The following ZDHHC3 variants were observed in gnomAD, a reference collection of about 807,000 sequenced individuals.
The protein encoded by ZDHHC3 is palmitoyltransferase ZDHHC3.
Under a neutral mutation model 30.6 loss-of-function variants are expected in ZDHHC3, and 9 were observed. The observed-to-expected ratio is 0.29, with a 90% CI of 0.18 to 0.51. ZDHHC3 has a LOEUF of 0.51. Among genes scored for constraint, ZDHHC3 ranks in the 20% least tolerant of loss-of-function variants. The pLI, the probability that ZDHHC3 is intolerant of heterozygous loss-of-function variation, is 0.97. For synonymous variants in ZDHHC3, 136 were observed against 140.2 expected (o/e 0.97, Z 0.21); for missense variants, 246 against 384.2 (o/e 0.64, Z 3.01).
chr3:44,925,111 A>G lies in ZDHHC3; in HGVS notation c.*1578T>C. 2 of 985,912 alleles carry G rather than the reference A, an allele frequency of 2.0e-6. No homozygotes were observed. Among genetic ancestry groups the G allele is most frequent in the Non-Finnish European group, 2.4e-6 (2 of 829,944 alleles). 61.1% of individuals were successfully genotyped at this position (985,912 alleles called of 1,614,324 possible). A position where few individuals can be genotyped will look rare whatever the true frequency, so the allele number is the denominator to read the frequency against. On this transcript the variant is annotated 3_prime_UTR_variant, in exon 7 of 7. Transcript: ENST00000424952. Reference sequence around the variant, plus strand: ...ACCCAACCAGAGAAAACTCAAGTAGATTGTGGATAGTCGGCCTCCCACTAA... The same window carrying G: ...ACCCAACCAGAGAAAACTCAAGTAGGTTGTGGATAGTCGGCCTCCCACTAA...
At chr3:44,973,251 G>A (rs1194206774) in intron 1 of ZDHHC3, among the ~76,000 whole-genome samples, 1 of 152,118 alleles carries the variant, frequency 6.6e-6, no homozygotes, top group East Asian at 1.9e-4. Flanking sequence ...AAAACCTGGG[G>A]GGAGGCTGTG....
At chr3:44,927,946 T>C (rs1209477031) in intron 6 of ZDHHC3, among the ~76,000 whole-genome samples, 1 of 152,190 alleles carries the variant, frequency 6.6e-6, no homozygotes, top group Admixed American at 6.5e-5. Context: ...GCCCTCCAGC[T>C]TTCTCCTTTC....
At position 44,924,105 on chromosome 3, in the gene ZDHHC3, A is replaced by G. The variant is rs1261302362; in HGVS notation, c.*2584T>C. On this transcript the variant is annotated 3_prime_UTR_variant, in exon 7 of 7. Coordinates refer to ENST00000424952, the MANE Select transcript of ZDHHC3 (RefSeq NM_001135179.2). ...CAGGCTCTGAAAGACTGTGGCTACG[A>G]CTGGTTCAATTTCCCATGAGTGCAC... 2.0e-6 allele frequency: 2 copies of G among 985,286 alleles called. No individual in the cohort carries two copies. The highest frequency in any genetic ancestry group is 2.4e-6 in the Non-Finnish European group (2 of 829,942). The allele number at this position is 985,286 out of a possible 1,614,324, so 61.0% of individuals were successfully genotyped here. A position where few individuals can be genotyped will look rare whatever the true frequency, so the allele number is the denominator to read the frequency against.
At chr3:44,960,364 T>C (rs563537018) in intron 1 of ZDHHC3, among the ~76,000 whole-genome samples, 2 of 152,310 alleles carry the variant, frequency 1.3e-5, no homozygotes, top group Non-Finnish European at 2.9e-5. Context: ...ATACAGATCA[T>C]AACACTCTGT....
intron 3 of ZDHHC3, among the ~76,000 whole-genome samples, chr3:44,937,392 T>C (rs987007443): frequency 6.6e-6 from 1 of 151,820 alleles, no homozygotes; most frequent in African/African-American, 2.4e-5. Context: ...GAGACGGCAG[T>C]GAGCTGTGAT....
intron 2 of ZDHHC3, among the ~76,000 whole-genome samples, chr3:44,947,569 A>T (rs1310160804): frequency 6.6e-6 from 1 of 152,212 alleles, no homozygotes; most frequent in Non-Finnish European, 1.5e-5. Flanking sequence ...GCCACAGATA[A>T]AGTGCTCAGT....
chr3:44,972,449 C>G (rs1451405351), intron 1 of ZDHHC3, among the ~76,000 whole-genome samples: 1 of 152,248 alleles, frequency 6.6e-6, no homozygotes, highest in Non-Finnish European at 1.5e-5. Context: ...GACAACAGAG[C>G]AAGACTCTGT....
At chr3:44,935,014 T>C (rs1019981510) in intron 3 of ZDHHC3, among the ~76,000 whole-genome samples, 2 of 152,172 alleles carry the variant, frequency 1.3e-5, no homozygotes, top group African/African-American at 4.8e-5. Context: ...TCAAGCTTAT[T>C]TGATAGCAAG....
At chr3:44,935,160 A>C (rs72863179) in intron 3 of ZDHHC3, among the ~76,000 whole-genome samples, 12,360 of 152,240 alleles carry the variant, frequency 0.081, 677 homozygotes, top group African/African-American at 0.14. Flanking sequence ...AAGAAAAAAA[A>C]CTTTTTAATC....
Position 44,921,211 on chromosome 3 carries a change from T to G in ZDHHC3, c.*5478A>C. 6.2e-6 allele frequency: 6 copies of G among 968,224 alleles called. No homozygotes were observed. Among genetic ancestry groups the G allele is most frequent in the Non-Finnish European group, 7.3e-6 (6 of 825,552 alleles). 60.0% of individuals were successfully genotyped at this position (968,224 alleles called of 1,614,324 possible). ...CACCAACACTCCAAAATGAATGTAT[T>G]AGGACTAAGGCTCCCGAGGAAGGAA... is the stretch of plus-strand genomic sequence containing the variant. On this transcript the variant is annotated 3_prime_UTR_variant, in exon 7 of 7. Transcript: ENST00000424952.
chr3:44,948,214 C>A (rs539324788), intron 2 of ZDHHC3, among the ~76,000 whole-genome samples: 1 of 152,182 alleles, frequency 6.6e-6, no homozygotes, highest in South Asian at 2.1e-4. Context: ...GATAGAGCAC[C>A]CTGGTCTCCC....
intron 1 of ZDHHC3, among the ~76,000 whole-genome samples, chr3:44,965,634 C>T (rs1475884951): frequency 6.6e-6 from 1 of 152,170 alleles, no homozygotes. Flanking sequence ...CAAAACAAAA[C>T]CCTGACCCAC....
In ZDHHC3 at chr3:44,929,452, C is replaced by T; in HGVS notation, c.611-16G>A. The T allele has an allele frequency of 1.2e-6, 2 of 1,613,326 alleles. No individual in the cohort carries two copies. Among genetic ancestry groups the T allele is most frequent in the South Asian group, 1.1e-5 (1 of 90,916 alleles). On this transcript the variant is annotated splice_polypyrimidine_tract_variant and intron_variant, in intron 5 of 6. Coordinates refer to ENST00000424952, the MANE Select transcript of ZDHHC3 (RefSeq NM_001135179.2). ...GAGCTGCACTCTGAAAGAGAAGCAG[C>T]ACACAGGGATTGGTACTGTCACCCA...
At chr3:44,974,742 A>G (rs1480938384) in intron 1 of ZDHHC3, among the ~76,000 whole-genome samples, 4 of 152,228 alleles carry the variant, frequency 2.6e-5, no homozygotes, top group African/African-American at 2.4e-5. Context: ...TCTAATGTCC[A>G]GTCTACGAAG....
Position 44,925,857 on chromosome 3 carries a change from G to A in ZDHHC3, c.*832C>T, listed in dbSNP as rs1700940321. ...GACATCTTGCTGGGGAAGAGAGGGA[G>A]ATGGGGTGGTGAGAGAGGAAGCAGA... On this transcript the variant is annotated 3_prime_UTR_variant, in exon 7 of 7. Coordinates refer to ENST00000424952, the MANE Select transcript of ZDHHC3 (RefSeq NM_001135179.2). 1 of 985,764 alleles carries A rather than the reference G, an allele frequency of 1.0e-6. No individual in the cohort carries two copies. The highest frequency in any genetic ancestry group is 1.7e-5 in the African/African-American group (1 of 57,240). 61.1% of individuals were successfully genotyped at this position (985,764 alleles called of 1,614,324 possible).
At position 44,959,480 on chromosome 3, in the gene ZDHHC3, A is replaced by T; in HGVS notation, c.-24-20T>A. ...TGGCATCTGAAAGAGAGAGGAAAGA[A>T]TCCAGAAACTTGGTGTTGTCTTGTC... is the stretch of plus-strand genomic sequence containing the variant. On this transcript the variant is annotated intron_variant, in intron 1 of 6. Transcript: ENST00000424952. The surrounding 1 kb of genome is among the most constrained non-coding windows in gnomAD (Gnocchi z 4.3). 6.3e-7 allele frequency: 1 copy of T among 1,580,244 alleles called. No homozygotes were observed. The highest frequency in any genetic ancestry group is 8.6e-7 in the Non-Finnish European group (1 of 1,159,766).
At chr3:44,957,257 T>A (rs1704031860) in intron 2 of ZDHHC3, among the ~76,000 whole-genome samples, 1 of 152,196 alleles carries the variant, frequency 6.6e-6, no homozygotes, top group Non-Finnish European at 1.5e-5. Flanking sequence ...AATCATGTCC[T>A]TCCTACCTGA....
In ZDHHC3 at chr3:44,925,273, T is replaced by C; in HGVS notation, c.*1416A>G. On this transcript the variant is annotated 3_prime_UTR_variant, in exon 7 of 7. Transcript: ENST00000424952. ...TTACTTTTCTGAAAAATCACATGGCTAGATTAACTTTCGCCCTACCCAGGA... is the reference window on the plus strand; with the variant it reads ...TTACTTTTCTGAAAAATCACATGGCCAGATTAACTTTCGCCCTACCCAGGA... 14 of 985,890 alleles carry C rather than the reference T, an allele frequency of 1.4e-5. No individual in the cohort carries two copies. Among genetic ancestry groups the C allele is most frequent in the Non-Finnish European group, 1.7e-5 (14 of 829,940 alleles). The allele number at this position is 985,890 out of a possible 1,614,324, so 61.1% of individuals were successfully genotyped here. A position where few individuals can be genotyped will look rare whatever the true frequency, so the allele number is the denominator to read the frequency against.
Position 44,917,943 on chromosome 3 carries a change from T to A in ZDHHC3, c.*8746A>T. On this transcript the variant is annotated 3_prime_UTR_variant, in exon 7 of 7. Transcript: ENST00000424952. The stretch of plus-strand genomic sequence containing the variant: ...AGTCCTCGTCCTTTGTCTCCTCTGA[T>A]GGATCCTCCATTGTTTCGGTGTCTG... The A allele has an allele frequency of 1.5e-6, 2 of 1,305,322 alleles. No individual in the cohort carries two copies. Among genetic ancestry groups the A allele is most frequent in the Non-Finnish European group, 2.0e-6 (2 of 988,968 alleles). The allele number at this position is 1,305,322 out of a possible 1,614,324, so 80.9% of individuals were successfully genotyped here.
Sources: allele counts gnomAD v4.1 joint callset (sites outside exome capture counted in the v4.1 genomes callset), GRCh38; gene constraint gnomAD v4.1.1; non-coding constraint Gnocchi (gnomAD v3.1); transcripts MANE v1.5; gene names NCBI Gene and HGNC (gene_info 2026-07-23, HGNC 2026-07-21).